Variants in VSTM4 observed in about 807,000 individuals in gnomAD.
The protein encoded by VSTM4 is V-set and transmembrane domain-containing protein 4.
A neutral mutation model predicts 36.4 loss-of-function variants in VSTM4; 20 were observed. The ratio of observed to expected loss-of-function variants is 0.55; its 90% CI spans 0.39 to 0.80. The LOEUF is 0.80. VSTM4 is among the 30% of genes least tolerant of loss of function. The pLI is 0.00. For missense variants in VSTM4, 392 were observed against 404.5 expected (o/e 0.97, Z 0.26); for synonymous variants, 182 against 173.9 (o/e 1.05, Z -0.37).
chr10:49,063,957 C>G (rs1295044763), intron 5 of VSTM4, among the ~76,000 whole-genome samples: 2 of 152,190 alleles, frequency 1.3e-5, no homozygotes, highest in Non-Finnish European at 2.9e-5. Context: ...GGGAACTCCC[C>G]TTTGATCCAG....
intron 2 of VSTM4, among the ~76,000 whole-genome samples, chr10:49,099,192 G>C (rs1446827961): frequency 6.6e-6 from 1 of 152,186 alleles, no homozygotes; most frequent in African/African-American, 2.4e-5. Flanking sequence ...TTTGTATGTG[G>C]ATGGAAACAA....
chr10:49,066,215 T>G (rs1225499746), intron 4 of VSTM4, among the ~76,000 whole-genome samples: 1 of 152,190 alleles, frequency 6.6e-6, no homozygotes, highest in Admixed American at 6.5e-5. Context: ...ATCACCCTTT[T>G]CTATTCATAA....
chr10:49,043,922 T>G (rs796314203), intron 7 of VSTM4, among the ~76,000 whole-genome samples: 1 of 152,376 alleles, frequency 6.6e-6, no homozygotes, highest in African/African-American at 2.4e-5. Flanking sequence ...ACTGGCTATT[T>G]GTATATCTTC....
At chr10:49,101,365 A>T (rs1844662773) in intron 2 of VSTM4, among the ~76,000 whole-genome samples, 1 of 152,176 alleles carries the variant, frequency 6.6e-6, no homozygotes, top group Non-Finnish European at 1.5e-5. Flanking sequence ...TAATGATCAG[A>T]TCTACACACA....
At chr10:49,070,540 T>C (rs901344054) in intron 4 of VSTM4, among the ~76,000 whole-genome samples, 1 of 152,190 alleles carries the variant, frequency 6.6e-6, no homozygotes, top group Non-Finnish European at 1.5e-5. Context: ...GGATGAGCCC[T>C]GCACATGAGA....
At position 49,107,803 on chromosome 10, in the gene VSTM4, A is replaced by G; in HGVS notation, c.248T>C (p.Val83Ala). 9 of 1,614,182 alleles carry G rather than the reference A, an allele frequency of 5.6e-6. No individual in the cohort carries two copies. Among genetic ancestry groups the G allele is most frequent in the Non-Finnish European group, 7.6e-6 (9 of 1,180,040 alleles). ...GCTGAAATTCCCATAGTACTGCACC[A>G]CCCGGAGCTTGGTCATCTTCACCAT... ...ALMVKMTKLRVVQYYGNFSRS... is the reference protein window; with the variant it reads ...ALMVKMTKLRAVQYYGNFSRS... The change falls in exon 2 of 8, where the codon GTG becomes GCG. Residue 83 changes from valine to alanine, a missense_variant. Coordinates refer to ENST00000332853, the MANE Select transcript of VSTM4 (RefSeq NM_001031746.5).
chr10:49,072,652 G>A (rs757177637), intron 4 of VSTM4, among the ~76,000 whole-genome samples: 26 of 152,312 alleles, frequency 1.7e-4, no homozygotes, highest in South Asian at 6.2e-4. Flanking sequence ...CAGTGCCAGC[G>A]TCCAGTCTAG....
At chr10:49,115,118 G>T (rs551445566) in intron 1 of VSTM4, among the ~76,000 whole-genome samples, 1 of 152,324 alleles carries the variant, frequency 6.6e-6, no homozygotes, top group African/African-American at 2.4e-5. Flanking sequence ...AACTTGGGCT[G>T]CGCTCCTGCT....
intron 7 of VSTM4, among the ~76,000 whole-genome samples, chr10:49,036,080 T>G (rs1456360435): frequency 6.6e-6 from 1 of 152,194 alleles, no homozygotes; most frequent in Non-Finnish European, 1.5e-5. Context: ...ATACAGGATA[T>G]TCTCACTTCC....
At chr10:49,084,991 T>C (rs1844345035) in intron 3 of VSTM4, among the ~76,000 whole-genome samples, 1 of 152,216 alleles carries the variant, frequency 6.6e-6, no homozygotes, top group Admixed American at 6.5e-5. Flanking sequence ...CAACCAAAGA[T>C]ACATGCAGAC....
chr10:49,044,528 A>AAAAG lies in VSTM4; in HGVS notation c.837+2451_837+2454dup, dbSNP rs374618905. 6.8e-5 allele frequency among the ~76,000 whole-genome samples: 7 copies of AAAAG among 102,916 alleles called. No homozygotes were observed. The South Asian group carries it at 1.2e-3, about 18-fold the overall frequency. The allele number at this position is 102,916 out of a possible 152,430, so 67.5% of individuals were successfully genotyped here. On this transcript the variant is annotated intron_variant, in intron 7 of 7. Coordinates refer to ENST00000332853, the MANE Select transcript of VSTM4 (RefSeq NM_001031746.5). The stretch of plus-strand genomic sequence containing the variant: ...AAGGAAGGAGAAAAAGAAAGAAAGA[A>AAAAG]AAAGAAAGAAAGAAAGGAAGAAAGG...
chr10:49,023,795 C>T (rs2175918), intron 7 of VSTM4, among the ~76,000 whole-genome samples: 103,472 of 152,008 alleles, frequency 0.68, 36,939 homozygotes, highest in Non-Finnish European at 0.8. Context: ...GCAGGAAGTA[C>T]AGAAGGTTGC....
In VSTM4 at chr10:49,047,040, C is replaced by G. The variant is rs376793962; in HGVS notation, c.780G>C (p.Pro260=). Residue 260 remains proline, a synonymous_variant, in exon 7 of 8, where the codon CCG becomes CCC. Coordinates refer to ENST00000332853, the MANE Select transcript of VSTM4 (RefSeq NM_001031746.5). ...DIPPAVPAKA[P]IAPTFHKPKL... is the part of the protein sequence containing the mutation. The stretch of plus-strand genomic sequence containing the variant: ...TCGGTTTATGGAACGTGGGGGCTAT[C>G]GGAGCTGTGGAAGTAGGTCAAGGGT... 1 of 1,614,076 alleles carries G rather than the reference C, an allele frequency of 6.2e-7. No individual in the cohort carries two copies. Among genetic ancestry groups the G allele is most frequent in the Non-Finnish European group, 8.5e-7 (1 of 1,180,030 alleles).
At chr10:49,080,548 G>T (rs1844260077) in intron 3 of VSTM4, among the ~76,000 whole-genome samples, 1 of 152,348 alleles carries the variant, frequency 6.6e-6, no homozygotes, top group South Asian at 2.1e-4. Flanking sequence ...TAAGTAGAAA[G>T]TGCCTTAGGG....
chr10:49,100,407 A>G (rs182913023), intron 2 of VSTM4, among the ~76,000 whole-genome samples: 49 of 152,362 alleles, frequency 3.2e-4, no homozygotes, highest in African/African-American at 1.1e-3. Context: ...TGCCAAATAT[A>G]ACTCAACAAA....
At chr10:49,082,547 T>G (rs34574986) in intron 3 of VSTM4, among the ~76,000 whole-genome samples, 1 of 151,942 alleles carries the variant, frequency 6.6e-6, no homozygotes, top group African/African-American at 2.4e-5. Flanking sequence ...TGGTGGCACA[T>G]GCCTGTAATC....
intron 7 of VSTM4, among the ~76,000 whole-genome samples, chr10:49,044,090 C>T (rs555514902): frequency 9.9e-5 from 15 of 152,200 alleles, no homozygotes; most frequent in African/African-American, 2.4e-4. Context: ...CACTTTTGGA[C>T]GCCGAGGTGG....
intron 7 of VSTM4, among the ~76,000 whole-genome samples, chr10:49,036,743 G>A (rs1001371169): frequency 2.4e-4 from 36 of 152,232 alleles, no homozygotes; most frequent in African/African-American, 7.0e-4. Flanking sequence ...GCCGGGGGAA[G>A]AAACTTCTTC....
At chr10:49,046,571 C>T (rs1003014925) in intron 7 of VSTM4, among the ~76,000 whole-genome samples, 2 of 152,192 alleles carry the variant, frequency 1.3e-5, no homozygotes, top group Middle Eastern at 6.3e-3. Context: ...TACATGGGAC[C>T]ACTCTGTGCC....
Sources: allele counts gnomAD v4.1 joint callset (sites outside exome capture counted in the v4.1 genomes callset), GRCh38; gene constraint gnomAD v4.1.1; transcripts MANE v1.5; gene names NCBI Gene and HGNC (gene_info 2026-07-23, HGNC 2026-07-21).